Variants in HSPBP1 observed in about 807,000 individuals in gnomAD.
HSPBP1 encodes HSPA (Hsp70) binding protein 1, also known as hsp70-binding protein 1.
Under a neutral mutation model 41.7 loss-of-function variants are expected in HSPBP1, and 31 were observed. The ratio of observed to expected loss-of-function variants is 0.74; its 90% confidence interval spans 0.56 to 1.00. HSPBP1 has a LOEUF of 1.00. Among genes scored for constraint, HSPBP1 ranks in the 50% least tolerant of loss-of-function variants. HSPBP1 has a pLI of 0.00. For missense variants in HSPBP1, 439 were observed against 487.9 expected (o/e 0.90, Z 0.94); for synonymous variants, 199 against 214.4 (o/e 0.93, Z 0.63).
At chr19:55,267,201 G>A (rs1568961496) in intron 4 of HSPBP1, among the ~76,000 whole-genome samples, 1 of 152,048 alleles carries the variant, frequency 6.6e-6, no homozygotes, top group Non-Finnish European at 1.5e-5. Flanking sequence ...CCAGGCTGGA[G>A]TGTGCAGTGG....
chr19:55,276,898 C>T (rs1326778148), intron 3 of HSPBP1, among the ~76,000 whole-genome samples: 1 of 152,082 alleles, frequency 6.6e-6, no homozygotes, highest in African/African-American at 2.4e-5. Context: ...TGGTGTTGTG[C>T]GGGCCTGGGG....
chr19:55,278,034 C>G (rs1014091475), intron 2 of HSPBP1, among the ~76,000 whole-genome samples, 188 bp from the exon 3 acceptor site: 12 of 152,090 alleles, frequency 7.9e-5, no homozygotes, highest in Non-Finnish European at 1.5e-4. Flanking sequence ...ACTGCCTGAG[C>G]TCAGGAGTTT....
intron 4 of HSPBP1, among the ~76,000 whole-genome samples, chr19:55,273,953 C>T (rs369379174): frequency 6.6e-6 from 1 of 151,462 alleles, no homozygotes; most frequent in Non-Finnish European, 1.5e-5. Flanking sequence ...AATTCATGTA[C>T]AGCAGGGGTT....
chr19:55,272,952 G>A lies in HSPBP1; in HGVS notation c.640+1446C>T, dbSNP rs924129748. 3.9e-5 allele frequency among the ~76,000 whole-genome samples: 6 copies of A among 152,162 alleles called. No homozygotes were observed. The highest frequency in any genetic ancestry group is 1.4e-4 in the African/African-American group (6 of 41,434). On this transcript the variant is annotated intron_variant, in intron 4 of 7. Coordinates refer to ENST00000433386, the MANE Select transcript of HSPBP1 (RefSeq NM_012267.5). This position sits in a 1 kb window ranked among gnomAD's most constrained non-coding sequence, Gnocchi z 4.2. The stretch of plus-strand genomic sequence containing the variant: ...ACATCTAAAATTAGAGAGTGATGAT[G>A]GCTGCACAGCACTGAATACACTAAG...
In HSPBP1 at chr19:55,274,440, C is replaced by T. The variant is rs769861452; in HGVS notation, c.598G>A (p.Ala200Thr). Residue 200 changes from alanine (A) to threonine (T), a missense_variant, in exon 4 of 8, where the codon GCC becomes ACC. Ala to Thr is a moderately conservative substitution (Grantham distance 58, BLOSUM62 0). Coordinates refer to ENST00000433386, the MANE Select transcript of HSPBP1 (RefSeq NM_012267.5). ...RKLLRLLDRD[A>T]CDTVRVKALF... ...GCCTTGACGCGCACCGTGTCGCAGG[C>T]GTCGCGGTCCAGCAGCCGCAGCAGC... is the stretch of plus-strand genomic sequence containing the variant. 8.9e-6 allele frequency: 14 copies of T among 1,577,594 alleles called. No individual in the cohort carries two copies. The highest frequency in any genetic ancestry group is 1.8e-5 in the Admixed American group (1 of 56,412).
intron 4 of HSPBP1, among the ~76,000 whole-genome samples, chr19:55,267,977 C>T (rs2087830754): frequency 6.6e-6 from 1 of 152,194 alleles, no homozygotes; most frequent in Admixed American, 6.5e-5. Context: ...GGCTCTAGGC[C>T]TGTGCTGGCC....
At position 55,279,823 on chromosome 19, in the gene HSPBP1, C is replaced by G; in HGVS notation, c.-94-121G>C. 3 of 1,143,520 alleles carry G rather than the reference C, an allele frequency of 2.6e-6. No homozygotes were observed. In the South Asian group the frequency reaches 4.1e-5, roughly 15 times the overall value. 70.8% of individuals were successfully genotyped at this position (1,143,520 alleles called of 1,614,324 possible). A position where few individuals can be genotyped will look rare whatever the true frequency, so the allele number is the denominator to read the frequency against. On this transcript the variant is annotated intron_variant, in intron 1 of 7. Coordinates refer to ENST00000433386, the MANE Select transcript of HSPBP1 (RefSeq NM_012267.5). ...CCTTCATACCCACAGGACCCTTCCC[C>G]AAAGTCATAAGCCTCTCCTTTCTCC...
At position 55,262,549 on chromosome 19, in the gene HSPBP1, G is replaced by A; in HGVS notation, c.*59C>T. The A allele has an allele frequency of 1.9e-6, 3 of 1,600,114 alleles. No homozygotes were observed. Among genetic ancestry groups the A allele is most frequent in the Non-Finnish European group, 2.6e-6 (3 of 1,173,200 alleles). ...CCCTTGGGAGAGGGCCTTGTAGGTG[G>A]GGAGGGAGGCAAGAGGCCTGGGGTT... On this transcript the variant is annotated 3_prime_UTR_variant, in exon 8 of 8. Coordinates refer to ENST00000433386, the MANE Select transcript of HSPBP1 (RefSeq NM_012267.5).
At chr19:55,274,346 C>CCCCCCCCCCCCCCCCCCCCCCCCCCGG in intron 4 of HSPBP1, 52 bp downstream of exon 4, 2 of 398,854 alleles carry the variant, frequency 5.0e-6, no homozygotes, top group African/African-American at 2.9e-5. Context: ...GCCCACCCGG[C>CCCCCCCCCCCCCCCCCCCCCCCCCCGG]ACCCCCCCCC....
chr19:55,279,521 C>T lies in HSPBP1; in HGVS notation c.88G>A (p.Gly30Ser), dbSNP rs1568972749. 6.3e-7 allele frequency: 1 copy of T among 1,594,516 alleles called. No individual in the cohort carries two copies. The highest frequency in any genetic ancestry group is 1.1e-5 in the South Asian group (1 of 90,418). The change falls in exon 2 of 8, where the codon GGC becomes AGC. Residue 30 changes from glycine to serine, a missense_variant. Physicochemically the swap from Gly to Ser is moderately conservative, Grantham distance 56 (BLOSUM62 0). Coordinates refer to ENST00000433386, the MANE Select transcript of HSPBP1 (RefSeq NM_012267.5). Reference sequence around the variant, plus strand: ...TTGCCCGAGCCCCCAGCCGAGGAGCCGCCGCCGCCGCCCCCTGAAGAGCAA... The same window carrying T: ...TTGCCCGAGCCCCCAGCCGAGGAGCTGCCGCCGCCGCCCCCTGAAGAGCAA... Reference protein sequence around the residue: ...QGCSSGGGGGGSSAGGSGNSR... With the variant: ...QGCSSGGGGGSSSAGGSGNSR...
At chr19:55,273,202 C>G (rs1401095668) in intron 4 of HSPBP1, among the ~76,000 whole-genome samples, 1 of 152,134 alleles carries the variant, frequency 6.6e-6, no homozygotes, top group African/African-American at 2.4e-5. Flanking sequence ...GTTGCCCAGG[C>G]TGGTCTCAAA....
chr19:55,264,257 A>G (rs533385197), intron 7 of HSPBP1, among the ~76,000 whole-genome samples: 4 of 152,288 alleles, frequency 2.6e-5, no homozygotes, highest in African/African-American at 9.6e-5. Flanking sequence ...GTGAGCCACC[A>G]TGCCTGGCCA....
chr19:55,274,347 A>ACCCCCCCCCCCCCCCCCCCCCCCCCTC, intron 4 of HSPBP1, 51 bp downstream of exon 4: 1 of 325,718 alleles, frequency 3.1e-6, no homozygotes, highest in Non-Finnish European at 5.7e-6. Context: ...CCCACCCGGC[A>ACCCCCCCCCCCCCCCCCCCCCCCCCTC]CCCCCCCCCA....
At chr19:55,271,689 G>A (rs1188477674) in intron 4 of HSPBP1, among the ~76,000 whole-genome samples, 1 of 152,204 alleles carries the variant, frequency 6.6e-6, no homozygotes, top group Non-Finnish European at 1.5e-5. Context: ...ACATGGGGGT[G>A]AGGGAGAGAA....
intron 4 of HSPBP1, among the ~76,000 whole-genome samples, chr19:55,273,838 GC>G (rs979685750): frequency 7.0e-4 from 106 of 152,266 alleles, no homozygotes; most frequent in African/African-American, 2.1e-3. Context: ...ACTTTCAGAG[GC>G]CAAGGCGGGA....
At chr19:55,275,248 C>T (rs922131486) in intron 3 of HSPBP1, among the ~76,000 whole-genome samples, 5 of 152,140 alleles carry the variant, frequency 3.3e-5, no homozygotes, top group East Asian at 1.9e-4. Flanking sequence ...AAACCACAGC[C>T]CACCTCCTGT....
chr19:55,276,848 C>G (rs2088086535), intron 3 of HSPBP1, among the ~76,000 whole-genome samples: 1 of 152,012 alleles, frequency 6.6e-6, no homozygotes, highest in Admixed American at 6.5e-5. Flanking sequence ...AATGAAGACA[C>G]CTGACTCCCA....
rs1044406294 is a variant in HSPBP1, at chr19:55,270,893, ACAC to A, written c.640+3502_640+3504del. Among the ~76,000 whole-genome samples the A allele has an allele frequency of 1.3e-5, 2 of 151,266 alleles. No individual in the cohort carries two copies. The highest frequency in any genetic ancestry group is 4.9e-5 in the African/African-American group (2 of 41,078). ...CATACACATGCAACACACACACCAC[ACAC>A]ACCTCCACATATATACCACACACCA... is the stretch of plus-strand genomic sequence containing the variant. On this transcript the variant is annotated intron_variant, in intron 4 of 7. Transcript: ENST00000433386. The surrounding 1 kb of genome is among the most constrained non-coding windows in gnomAD (Gnocchi z 5.4).
In HSPBP1 at chr19:55,279,912, G is replaced by C. The variant is rs1046550451; in HGVS notation, c.-95+123C>G. 21 of 511,804 alleles carry C rather than the reference G, an allele frequency of 4.1e-5. No individual in the cohort carries two copies. In the East Asian group the frequency reaches 8.2e-4, roughly 20 times the overall value. 31.7% of individuals were successfully genotyped at this position (511,804 alleles called of 1,614,324 possible). ...CCCCTTCCCCATCTCCACTGCGTGC[G>C]TCCCGTCTCTTAGCAACCTCACTGC... is the stretch of plus-strand genomic sequence containing the variant. On this transcript the variant is annotated intron_variant, in intron 1 of 7. Coordinates refer to ENST00000433386, the MANE Select transcript of HSPBP1 (RefSeq NM_012267.5).
Sources: gnomAD v4.1 joint callset for allele counts (sites outside exome capture counted in the v4.1 genomes callset) on GRCh38, gnomAD v4.1.1 for gene constraint, Gnocchi (gnomAD v3.1) non-coding constraint, MANE v1.5 for transcripts, NCBI Gene and HGNC (gene_info 2026-07-23, HGNC 2026-07-21) for gene names.